INSRR: variants seen among roughly 807,000 people sequenced by gnomAD.
INSRR encodes the protein insulin receptor-related protein.
INSRR carries 114 observed loss-of-function variants against 130.0 expected under a neutral mutation model. The observed-to-expected ratio is 0.88, with a 90% CI of 0.75 to 1.02. The LOEUF (loss-of-function observed/expected upper bound fraction) is 1.02, where lower values mean the gene tolerates loss of function less well. Among genes scored for constraint, INSRR ranks in the 50% least tolerant of loss-of-function variants. The pLI is 0.00. For synonymous variants in INSRR, 674 were observed against 705.2 expected (o/e 0.96, Z 0.70); for missense variants, 1,657 against 1,735.2 (o/e 0.95, Z 0.80).
rs146890895 is a variant in INSRR, at chr1:156,849,017, T to C, written c.1475A>G (p.Asn492Ser). ...CQTRTLRFVS[N>S]VTEADRILLR... ...CAGGATGCGGTCTGCCTCCGTCACGTTGGACACGAAGCGCAGGGTGCGAGT... is the reference window on the plus strand; with the variant it reads ...CAGGATGCGGTCTGCCTCCGTCACGCTGGACACGAAGCGCAGGGTGCGAGT... Residue 492 changes from asparagine to serine, a missense_variant, in exon 7 of 22, where the codon AAC (asparagine) becomes AGC (serine). Asn to Ser is a conservative substitution (Grantham distance 46). Transcript: ENST00000368195. The C allele has an allele frequency of 9.3e-6, 15 of 1,613,464 alleles. No individual in the cohort carries two copies. Among genetic ancestry groups the C allele is most frequent in the Non-Finnish European group, 1.2e-5 (14 of 1,179,886 alleles).
At chr1:156,849,612 G>A in intron 5 of INSRR, 152 bp from the exon 6 acceptor site, 1 of 628,988 alleles carries the variant, frequency 1.6e-6, no homozygotes. Flanking sequence ...GGGGGCATTC[G>A]TGCATACCCA....
intron 5 of INSRR, among the ~76,000 whole-genome samples, chr1:156,849,955 T>A (rs967708962): frequency 5.3e-5 from 8 of 151,514 alleles, no homozygotes; most frequent in Admixed American, 5.3e-4. Flanking sequence ...CAGGCCAGAG[T>A]GCAGTGGCAC....
chr1:156,851,471 G>A, intron 4 of INSRR, 37 bp from the exon 5 acceptor site: 4 of 1,613,430 alleles, frequency 2.5e-6, no homozygotes, highest in Non-Finnish European at 3.4e-6. Context: ...TAGGAGCAAG[G>A]AAGGTGATGG....
At chr1:156,851,494 AG>A (rs772022206) in intron 4 of INSRR, 60 bp from the exon 5 acceptor site, 2 of 1,609,120 alleles carry the variant, frequency 1.2e-6, no homozygotes, top group South Asian at 1.1e-5. Context: ...CTGTGGGGCA[AG>A]GGGGCTGAAT....
rs55971900 is a variant in INSRR, at chr1:156,853,907, G to A, written c.482C>T (p.Ala161Val). Reference sequence around the variant, plus strand: ...GCCCACGATGTGGTTGGCGCCAGGTGCTGGCTGCAGCAGTCCCCAGTCAAT... The same window carrying A: ...GCCCACGATGTGGTTGGCGCCAGGTACTGGCTGCAGCAGTCCCCAGTCAAT... The part of the protein sequence containing the change: ...STIDWGLLQP[A>V]PGANHIVGNK... The change falls in exon 2 of 22, where the codon GCA (alanine) becomes GTA (valine). Residue 161 changes from alanine to valine, a missense_variant. Physicochemically the swap from Ala to Val is moderately conservative, Grantham distance 64 (BLOSUM62 0). Transcript: ENST00000368195. 2 of 1,614,120 alleles carry A rather than the reference G, an allele frequency of 1.2e-6. No homozygotes were observed. The highest frequency in any genetic ancestry group is 4.5e-5 in the East Asian group (2 of 44,886).
Position 156,852,027 on chromosome 1 carries a change from G to C in INSRR, c.802C>G (p.Gln268Glu), listed in dbSNP as rs767117657. 1 of 1,613,524 alleles carries C rather than the reference G, an allele frequency of 6.2e-7. No homozygotes were observed. Among genetic ancestry groups the C allele is most frequent in the Middle Eastern group, 1.7e-4 (1 of 6,058 alleles). The change falls in exon 3 of 22, where the codon CAG (glutamine) becomes GAG (glutamate). Residue 268 changes from glutamine (Q) to glutamate (E), a missense_variant. By Grantham distance (29) the Gln-to-Glu change is conservative. Transcript: ENST00000368195. ...GTGACACAGCGCCAGGACTCATACT[G>C]GTAGGTGCCTGGCGGGCAGGCCCAC... is the stretch of plus-strand genomic sequence containing the variant. ...CLWACPPGTY[Q>E]YESWRCVTAE...
At chr1:156,850,851 C>T (rs1655181592) in intron 5 of INSRR, among the ~76,000 whole-genome samples, 1 of 152,154 alleles carries the variant, frequency 6.6e-6, no homozygotes, top group Non-Finnish European at 1.5e-5. Flanking sequence ...GCCACCGTGC[C>T]TGGCTCATTC....
chr1:156,844,037 C>T (rs2102856024), intron 15 of INSRR, 138 bp downstream of exon 15: 2 of 649,150 alleles, frequency 3.1e-6, no homozygotes, highest in East Asian at 2.6e-5. Flanking sequence ...TATGTTTCCT[C>T]TGTGCCACCG....
chr1:156,844,682 G>A, intron 13 of INSRR, 25 bp downstream of exon 13: 5 of 1,614,048 alleles, frequency 3.1e-6, no homozygotes, highest in Non-Finnish European at 2.5e-6. Context: ...AACGGGGCTG[G>A]GACGGGGGTC....
At chr1:156,855,459 C>T (rs1004958948) in intron 1 of INSRR, among the ~76,000 whole-genome samples, 2 of 152,194 alleles carry the variant, frequency 1.3e-5, no homozygotes, top group Admixed American at 1.3e-4. Flanking sequence ...CCCACCTTGG[C>T]CTCCCAAAGT....
Position 156,851,688 on chromosome 1 carries a change from T to G in INSRR, c.1042A>C (p.Thr348Pro). The change falls in exon 4 of 22, where the codon ACG becomes CCG. Residue 348 changes from threonine to proline, a missense_variant. Thr to Pro is a conservative substitution (Grantham distance 38). Transcript: ENST00000368195. Reference sequence around the variant, plus strand: ...AGGATGAGGCTTCCCTCCACATGCGTGCAGCCCACAAGATCCTGTGCCGCC... The same window carrying G: ...AGGATGAGGCTTCCCTCCACATGCGGGCAGCCCACAAGATCCTGTGCCGCC... ...IQAAQDLVGCTHVEGSLILNL... is the reference protein window; with the variant it reads ...IQAAQDLVGCPHVEGSLILNL... The G allele has an allele frequency of 6.2e-7, 1 of 1,614,174 alleles. No homozygotes were observed. Among genetic ancestry groups the G allele is most frequent in the Non-Finnish European group, 8.5e-7 (1 of 1,179,992 alleles).
chr1:156,846,039 G>T lies in INSRR; in HGVS notation c.1891C>A (p.Arg631Ser), dbSNP rs376284825. 5 of 1,613,748 alleles carry T rather than the reference G, an allele frequency of 3.1e-6. No homozygotes were observed. The highest frequency in any genetic ancestry group is 3.4e-6 in the Non-Finnish European group (4 of 1,179,910). The change falls in exon 9 of 22, where the codon CGC becomes AGC. Residue 631 changes from arginine (R) to serine (S), a missense_variant. By Grantham distance (110) the Arg-to-Ser change is moderately radical. Transcript: ENST00000368195. Reference protein sequence around the residue: ...LLVRWKPPTQRNGNLTYYLVL... With the variant: ...LLVRWKPPTQSNGNLTYYLVL... ...AGGTAGTAGGTGAGGTTCCCATTGCGCTGGGTCGGTGGCTTCCAGCGCACC... is the reference window on the plus strand; with the variant it reads ...AGGTAGTAGGTGAGGTTCCCATTGCTCTGGGTCGGTGGCTTCCAGCGCACC...
At position 156,854,250 on chromosome 1, in the gene INSRR, T is replaced by C; in HGVS notation, c.139A>G (p.Asn47Asp). The C allele has an allele frequency of 6.2e-7, 1 of 1,613,776 alleles. No homozygotes were observed. The highest frequency in any genetic ancestry group is 8.5e-7 in the Non-Finnish European group (1 of 1,179,992). The part of the protein sequence containing the change: ...SEVAELRQLE[N>D]CSVVEGHLQI... ...AGGTGGCCCTCCACCACGCTGCAGTTCTCCAGCTGACGAAGCTCTGCCACC... is the reference window on the plus strand; with the variant it reads ...AGGTGGCCCTCCACCACGCTGCAGTCCTCCAGCTGACGAAGCTCTGCCACC... Residue 47 changes from asparagine (N) to aspartate (D), a missense_variant, in exon 2 of 22, where the codon AAC becomes GAC. Physicochemically the swap from Asn to Asp is conservative, Grantham distance 23 (BLOSUM62 1). Transcript: ENST00000368195. The surrounding 1 kb of genome is among the most constrained non-coding windows in gnomAD (Gnocchi z 4.2).
At chr1:156,843,381 C>T (rs779547559) in intron 16 of INSRR, 46 bp downstream of exon 16, 2 of 1,600,910 alleles carry the variant, frequency 1.2e-6, no homozygotes, top group Non-Finnish European at 1.7e-6. Context: ...TGCTCCTCTC[C>T]TGTCTCCCTT....
rs1427151945 is a variant in INSRR, at chr1:156,852,085, A to G, written c.744T>C (p.Ala248=). ...CACCCTGGAAGTAGAGGTGGCGGCA[A>G]GCTACACAGGCACGAGGGTCTTCTG... is the stretch of plus-strand genomic sequence containing the variant. ...SQPEDPRACV[A]CRHLYFQGAC... is the part of the protein sequence containing the mutation. The change falls in exon 3 of 22, where the codon GCT becomes GCC. Residue 248 remains alanine, a synonymous_variant. Coordinates refer to ENST00000368195, the MANE Select transcript of INSRR (RefSeq NM_014215.3). 1 of 1,613,716 alleles carries G rather than the reference A, an allele frequency of 6.2e-7. No homozygotes were observed. The highest frequency in any genetic ancestry group is 8.5e-7 in the Non-Finnish European group (1 of 1,179,986).
At position 156,846,618 on chromosome 1, in the gene INSRR, A is replaced by G. The variant is rs1655020816; in HGVS notation, c.1711T>C (p.Tyr571His). 2 of 1,614,034 alleles carry G rather than the reference A, an allele frequency of 1.2e-6. No homozygotes were observed. Among genetic ancestry groups the G allele is most frequent in the African/African-American group, 2.7e-5 (2 of 74,906 alleles). Residue 571 changes from tyrosine to histidine, a missense_variant, in exon 8 of 22, where the codon TAC (tyrosine) becomes CAC (histidine). Coordinates refer to ENST00000368195, the MANE Select transcript of INSRR (RefSeq NM_014215.3). Reference sequence around the variant, plus strand: ...GTGATGGCCCGCACAAACACTGCGTACTGTGTCCAAGGCTTGAGGGAGGCT... The same window carrying G: ...GTGATGGCCCGCACAAACACTGCGTGCTGTGTCCAAGGCTTGAGGGAGGCT... ...TLASLKPWTQ[Y>H]AVFVRAITLT...
chr1:156,843,865 T>C (rs1654889935), intron 15 of INSRR, among the ~76,000 whole-genome samples: 1 of 152,228 alleles, frequency 6.6e-6, no homozygotes, highest in Non-Finnish European at 1.5e-5. Context: ...TTTTTCAGCT[T>C]GGGTGCACAA....
intron 7 of INSRR, among the ~76,000 whole-genome samples, chr1:156,847,730 T>C (rs1175955016): frequency 6.6e-6 from 1 of 151,954 alleles, no homozygotes; most frequent in Admixed American, 6.6e-5. Context: ...CATGACACAC[T>C]GAGCAGGTCT....
chr1:156,848,347 C>T (rs1655082932), intron 7 of INSRR, among the ~76,000 whole-genome samples: 1 of 152,300 alleles, frequency 6.6e-6, no homozygotes, highest in Admixed American at 6.5e-5. Context: ...CCTTCCCAGC[C>T]TGCATCTGAA....
Sources: gnomAD v4.1 joint callset for allele counts (sites outside exome capture counted in the v4.1 genomes callset) on GRCh38, gnomAD v4.1.1 for gene constraint, Gnocchi (gnomAD v3.1) non-coding constraint, MANE v1.5 for transcripts, NCBI Gene and HGNC (gene_info 2026-07-23, HGNC 2026-07-21) for gene names.